Variants in REV3L observed in about 807,000 individuals in gnomAD.
The protein encoded by REV3L is REV3 like, DNA directed polymerase zeta catalytic subunit.
In REV3L, 69 loss-of-function variants were observed where a neutral mutation model predicts 299.4. That is an observed-to-expected ratio of 0.23 (90% CI 0.19 to 0.28). REV3L has a LOEUF of 0.28. REV3L is among the 10% of genes least tolerant of loss of function. The pLI, the probability that REV3L is intolerant of heterozygous loss-of-function variation, is 1.00. For synonymous variants in REV3L, 1,238 were observed against 1,271.4 expected (o/e 0.97, Z 0.56); for missense variants, 3,128 against 3,693.8 (o/e 0.85, Z 3.97).
chr6:111,462,610 G>C (rs181162536), intron 1 of REV3L, among the ~76,000 whole-genome samples: 1 of 152,154 alleles, frequency 6.6e-6, no homozygotes, highest in East Asian at 1.9e-4. Context: ...CCCACAATGA[G>C]ATGTTTTAAA....
At chr6:111,445,921 A>T (rs79613749) in intron 1 of REV3L, among the ~76,000 whole-genome samples, 2,036 of 152,346 alleles carry the variant, frequency 0.013, 37 homozygotes, top group African/African-American at 0.047. Flanking sequence ...AATGCCAAGC[A>T]TATGAGTGGG....
At chr6:111,365,995 T>G (rs1206338327) in intron 14 of REV3L, among the ~76,000 whole-genome samples, 1 of 152,130 alleles carries the variant, frequency 6.6e-6, no homozygotes. Context: ...CTGGGTTACT[T>G]GGGAGATAAA....
chr6:111,432,860 C>T (rs1166174828), intron 1 of REV3L, among the ~76,000 whole-genome samples: 2 of 152,000 alleles, frequency 1.3e-5, no homozygotes, highest in African/African-American at 4.8e-5. Context: ...TCTCTGGCCA[C>T]AATGGAATAA....
chr6:111,318,790 G>C (rs1323695012), intron 26 of REV3L, among the ~76,000 whole-genome samples: 1 of 151,932 alleles, frequency 6.6e-6, no homozygotes, highest in East Asian at 2.0e-4. Flanking sequence ...GGCTGGTCTC[G>C]AACTCCCGAC....
chr6:111,422,661 T>C lies in REV3L; in HGVS notation c.140-6189A>G, dbSNP rs551653435. On this transcript the variant is annotated intron_variant, in intron 1 of 31. Coordinates refer to ENST00000368802, the MANE Select transcript of REV3L (RefSeq NM_001372078.1). ...ATATATATATATACATATATATATATACATATATATATATATACGTATATA... is the reference window on the plus strand; with the variant it reads ...ATATATATATATACATATATATATACACATATATATATATATACGTATATA... 9.7e-4 allele frequency among the ~76,000 whole-genome samples: 51 copies of C among 52,384 alleles called. 3 individuals are homozygous for C. The highest frequency in any genetic ancestry group is 7.5e-3 in the South Asian group (11 of 1,476). 34.4% of individuals were successfully genotyped at this position (52,384 alleles called of 152,430 possible).
At chr6:111,445,639 A>G (rs1467633116) in intron 1 of REV3L, among the ~76,000 whole-genome samples, 4 of 152,196 alleles carry the variant, frequency 2.6e-5, no homozygotes, top group Admixed American at 2.0e-4. Flanking sequence ...ACCTTTAAAG[A>G]GCTGGGGATG....
At chr6:111,411,343 A>T in intron 3 of REV3L, 137 bp downstream of exon 3, 1 of 619,148 alleles carries the variant, frequency 1.6e-6, no homozygotes, top group South Asian at 2.0e-5. Flanking sequence ...GTCTCTCTCT[A>T]TACACGTACA....
Position 111,374,625 on chromosome 6 carries a change from T to G in REV3L, c.3730A>C (p.Lys1244Gln), listed in dbSNP as rs775726768. 1.2e-6 allele frequency: 2 copies of G among 1,613,668 alleles called. No homozygotes were observed. Among genetic ancestry groups the G allele is most frequent in the Non-Finnish European group, 1.7e-6 (2 of 1,179,850 alleles). Residue 1244 changes from lysine (K) to glutamine (Q), a missense_variant, in exon 13 of 32, where the codon AAA becomes CAA. By Grantham distance (53) the Lys-to-Gln change is moderately conservative. Coordinates refer to ENST00000368802, the MANE Select transcript of REV3L (RefSeq NM_001372078.1). ...QSGAEVKFVL[K>Q]HQNVSEFASS... Reference sequence around the variant, plus strand: ...GCAAATTCAGACACATTCTGGTGTTTCAGTACAAACTTAACCTCAGCACCA... The same window carrying G: ...GCAAATTCAGACACATTCTGGTGTTGCAGTACAAACTTAACCTCAGCACCA...
chr6:111,430,976 T>C (rs773737447), intron 1 of REV3L: 4 of 1,578,590 alleles, frequency 2.5e-6, no homozygotes, highest in Non-Finnish European at 3.4e-6. Flanking sequence ...TGTGAATACT[T>C]TGCAGGGGTT....
chr6:111,350,600 A>G (rs1177534202), intron 19 of REV3L, among the ~76,000 whole-genome samples: 1 of 152,138 alleles, frequency 6.6e-6, no homozygotes, highest in East Asian at 1.9e-4. Context: ...TTTATAAGAC[A>G]GAGTCTTGTT....
chr6:111,359,138 T>TCA, intron 16 of REV3L, 124 bp from the exon 17 acceptor site: 2 of 708,502 alleles, frequency 2.8e-6, no homozygotes, highest in Middle Eastern at 4.2e-4. Flanking sequence ...AAGGACAAAG[T>TCA]CACAGCTCAG....
intron 1 of REV3L, among the ~76,000 whole-genome samples, chr6:111,418,468 A>C (rs1339847626): frequency 6.6e-6 from 1 of 152,226 alleles, no homozygotes; most frequent in East Asian, 1.9e-4. Flanking sequence ...TTCTATTTAT[A>C]GGCTTCAGAA....
At chr6:111,330,171 A>T in intron 24 of REV3L, 1 of 382,976 alleles carries the variant, frequency 2.6e-6, no homozygotes, top group Non-Finnish European at 5.4e-6. Context: ...TCTGCATGGA[A>T]CTCCATTTAT....
In REV3L at chr6:111,374,336, T is replaced by C. The variant is rs1780086557; in HGVS notation, c.4019A>G (p.His1340Arg). ...TAGAGTAAACATAGCACTTTGATTA[T>C]GAGGCCTTTGAACATTAATTTTTGA... Reference protein sequence around the residue: ...GVSKINVQRPHNQSAMFTLKE... With the variant: ...GVSKINVQRPRNQSAMFTLKE... Residue 1340 changes from histidine to arginine, a missense_variant, in exon 13 of 32, where the codon CAT (histidine) becomes CGT (arginine). His to Arg is a conservative substitution (Grantham distance 29). Around this residue, in one of 9 missense-constraint regions of REV3L, gnomAD observed 2,409 missense variants for 2,611.8 expected, o/e 0.92. Transcript: ENST00000368802. The C allele has an allele frequency of 1.4e-5, 22 of 1,613,892 alleles. No individual in the cohort carries two copies. The highest frequency in any genetic ancestry group is 1.8e-5 in the Non-Finnish European group (21 of 1,179,938).
intron 4 of REV3L, among the ~76,000 whole-genome samples, chr6:111,397,700 G>C (rs1582839560): frequency 6.6e-6 from 1 of 151,994 alleles, no homozygotes. Flanking sequence ...GCAGTGGTGT[G>C]ACCACAGTTC....
intron 1 of REV3L, among the ~76,000 whole-genome samples, chr6:111,481,678 T>C (rs753900431): frequency 6.6e-5 from 10 of 152,166 alleles, no homozygotes; most frequent in Admixed American, 1.3e-4. Context: ...GGGCAATTCA[T>C]AGCTAGAGGG....
chr6:111,374,316 T>C lies in REV3L; in HGVS notation c.4039A>G (p.Thr1347Ala), dbSNP rs755558951. The change falls in exon 13 of 32, where the codon ACT (threonine) becomes GCT (alanine). Residue 1347 changes from threonine (T) to alanine (A), a missense_variant. Physicochemically the swap from Thr to Ala is moderately conservative, Grantham distance 58. Coordinates refer to ENST00000368802, the MANE Select transcript of REV3L (RefSeq NM_001372078.1). ...TGAATTAACGTTGATTCCTTTAGAG[T>C]AAACATAGCACTTTGATTATGAGGC... ...QRPHNQSAMF[T>A]LKESTLIQKN... 1.9e-6 allele frequency: 3 copies of C among 1,613,930 alleles called. No homozygotes were observed. Among genetic ancestry groups the C allele is most frequent in the Non-Finnish European group, 2.5e-6 (3 of 1,179,902 alleles).
intron 1 of REV3L, among the ~76,000 whole-genome samples, chr6:111,435,493 C>T (rs75527766): frequency 1.3e-5 from 2 of 152,054 alleles, no homozygotes; most frequent in Admixed American, 6.5e-5. Context: ...AGAGAACCTA[C>T]ATATAAATCC....
intron 1 of REV3L, chr6:111,460,341 C>T (rs867061121): frequency 6.6e-6 from 1 of 151,886 alleles, no homozygotes; most frequent in South Asian, 2.1e-4. Context: ...CGGGTTCAGT[C>T]GTACTTCAAA....
Sources: allele counts gnomAD v4.1 joint callset (sites outside exome capture counted in the v4.1 genomes callset), GRCh38; gene constraint gnomAD v4.1.1; regional missense constraint gnomAD v4.1.1; transcripts MANE v1.5; gene names NCBI Gene and HGNC (gene_info 2026-07-23, HGNC 2026-07-21).